SYCP1: variants seen among roughly 807,000 people sequenced by gnomAD.
SYCP1 encodes the protein cancer/testis antigen 8.
In SYCP1, 64 loss-of-function variants were observed where a neutral mutation model predicts 153.1. That is an observed-to-expected ratio of 0.42 (90% CI 0.34 to 0.51). SYCP1 has a LOEUF of 0.51. Ranked by LOEUF, SYCP1 falls within the 20% of genes least tolerant of loss-of-function variation. The pLI is 0.06. For synonymous variants in SYCP1, 384 were observed against 341.8 expected (o/e 1.12, Z -1.36); for missense variants, 997 against 1,049.0 (o/e 0.95, Z 0.68).
At chr1:114,941,215 C>T (rs360672) in intron 23 of SYCP1, among the ~76,000 whole-genome samples, 75,013 of 151,868 alleles carry the variant, frequency 0.49, 19,892 homozygotes, top group Middle Eastern at 0.62. Context: ...AAAAAATCCA[C>T]ATATAAATGG....
chr1:114,866,823 A>G (rs1201368386), intron 8 of SYCP1, among the ~76,000 whole-genome samples: 1 of 148,630 alleles, frequency 6.7e-6, no homozygotes, highest in Non-Finnish European at 1.5e-5. Flanking sequence ...TTGGAGTTTT[A>G]TGGTTTGTAT....
At chr1:114,971,740 G>A (rs1367541920) in intron 27 of SYCP1, among the ~76,000 whole-genome samples, 2 of 152,132 alleles carry the variant, frequency 1.3e-5, no homozygotes, top group African/African-American at 4.8e-5. Context: ...TGTGTATGTT[G>A]AATCATTCTT....
intron 16 of SYCP1, among the ~76,000 whole-genome samples, chr1:114,907,817 G>A (rs942490503): frequency 3.3e-5 from 5 of 151,860 alleles, no homozygotes; most frequent in Admixed American, 6.6e-5. Context: ...TCCTGACCTC[G>A]TGATCCACCC....
At chr1:114,941,539 T>C (rs1297725630) in intron 23 of SYCP1, among the ~76,000 whole-genome samples, 1 of 152,146 alleles carries the variant, frequency 6.6e-6, no homozygotes, top group African/African-American at 2.4e-5. Flanking sequence ...TCTCTTTTAC[T>C]GGTATATTTG....
At chr1:114,984,974 A>G in intron 30 of SYCP1, 106 bp downstream of exon 30, 1 of 510,940 alleles carries the variant, frequency 2.0e-6, no homozygotes, top group Non-Finnish European at 2.9e-6. Flanking sequence ...CTACCATTGC[A>G]ATACTGATAT....
chr1:114,981,609 A>G, intron 29 of SYCP1, 97 bp downstream of exon 29: 1 of 1,087,026 alleles, frequency 9.2e-7, no homozygotes. Context: ...CACATATATA[A>G]CTAGTTTCTT....
At chr1:114,981,222 A>T (rs1254196188) in intron 28 of SYCP1, 114 bp from the exon 29 acceptor site, 1 of 752,348 alleles carries the variant, frequency 1.3e-6, no homozygotes, top group Non-Finnish European at 2.1e-6. Context: ...AAATTTAGGG[A>T]TAAATTTGCT....
intron 27 of SYCP1, among the ~76,000 whole-genome samples, chr1:114,956,029 C>G (rs1183045716): frequency 6.6e-6 from 1 of 152,174 alleles, no homozygotes; most frequent in Non-Finnish European, 1.5e-5. Context: ...ACTTCCCTAG[C>G]CCACTTTATC....
chr1:114,966,834 G>A (rs1381713648), intron 27 of SYCP1, among the ~76,000 whole-genome samples: 2 of 151,990 alleles, frequency 1.3e-5, no homozygotes, highest in Non-Finnish European at 2.9e-5. Context: ...ACAGGCATGT[G>A]CCAGCATACC....
intron 29 of SYCP1, among the ~76,000 whole-genome samples, chr1:114,984,175 G>A (rs867107376): frequency 6.6e-6 from 1 of 152,052 alleles, no homozygotes; most frequent in Non-Finnish European, 1.5e-5. Flanking sequence ...AAAGTGCTGG[G>A]ATTACAGGCA....
intron 23 of SYCP1, 103 bp downstream of exon 23, chr1:114,926,666 T>A: frequency 1.0e-6 from 1 of 969,534 alleles, no homozygotes; most frequent in South Asian, 2.0e-5. Context: ...ATTTATACCA[T>A]AACAGTATCA....
chr1:114,869,194 T>C (rs982822603), intron 8 of SYCP1, among the ~76,000 whole-genome samples: 1 of 152,178 alleles, frequency 6.6e-6, no homozygotes, highest in Admixed American at 6.5e-5. Context: ...TCCCTCTCAG[T>C]TTTTCCTGTA....
At chr1:114,993,022 T>C (rs979474028) in intron 30 of SYCP1, among the ~76,000 whole-genome samples, 2 of 151,406 alleles carry the variant, frequency 1.3e-5, no homozygotes, top group East Asian at 1.9e-4. Flanking sequence ...TATAAACACA[T>C]GAAAAGATGA....
chr1:114,865,107 A>G (rs918179052), intron 8 of SYCP1, among the ~76,000 whole-genome samples: 3 of 152,138 alleles, frequency 2.0e-5, no homozygotes, highest in Non-Finnish European at 4.4e-5. Context: ...ACTTTCCAGA[A>G]TTTTAAGTTC....
chr1:114,904,116 C>A (rs1667656747), intron 16 of SYCP1, among the ~76,000 whole-genome samples: 2 of 149,548 alleles, frequency 1.3e-5, no homozygotes, highest in Admixed American at 1.3e-4. Context: ...GCTTTTCTTT[C>A]TTTCTTTTTT....
At chr1:114,896,754 C>T (rs1043549832) in intron 16 of SYCP1, among the ~76,000 whole-genome samples, 5 of 152,128 alleles carry the variant, frequency 3.3e-5, no homozygotes, top group Non-Finnish European at 5.9e-5. Flanking sequence ...TTTTATATAA[C>T]GATTCACTTC....
At chr1:114,934,720 A>G (rs1314031266) in intron 23 of SYCP1, among the ~76,000 whole-genome samples, 1 of 152,182 alleles carries the variant, frequency 6.6e-6, no homozygotes, top group African/African-American at 2.4e-5. Flanking sequence ...AAGATCTACC[A>G]AGCAAATGGA....
intron 20 of SYCP1, among the ~76,000 whole-genome samples, chr1:114,917,820 T>TC (rs1668606897): frequency 6.6e-6 from 1 of 152,128 alleles, no homozygotes; most frequent in African/African-American, 2.4e-5. Flanking sequence ...GCCCATTTTT[T>TC]CCCATAGGAT....
At chr1:114,908,983 T>A (rs996754966) in intron 16 of SYCP1, among the ~76,000 whole-genome samples, 1 of 152,218 alleles carries the variant, frequency 6.6e-6, no homozygotes, top group African/African-American at 2.4e-5. Flanking sequence ...GTTTTTGTTT[T>A]ATCTATCAGT....
Sources: gnomAD v4.1 joint callset for allele counts (sites outside exome capture counted in the v4.1 genomes callset) on GRCh38, gnomAD v4.1.1 for gene constraint, MANE v1.5 for transcripts, NCBI Gene and HGNC (gene_info 2026-07-23, HGNC 2026-07-21) for gene names.